DNAJC27: variants seen among roughly 807,000 people sequenced by gnomAD.
The protein encoded by DNAJC27 is DnaJ heat shock protein family (Hsp40) member C27, also known as dnaJ homolog subfamily C member 27.
Under a neutral mutation model 31.4 loss-of-function variants are expected in DNAJC27, and 25 were observed. The ratio of observed to expected loss-of-function variants is 0.80; its 90% confidence interval spans 0.58 to 1.11. The LOEUF is 1.11. Among genes scored for constraint, DNAJC27 ranks in the 50% most tolerant of loss-of-function variants. The pLI is 0.00. For missense variants in DNAJC27, 356 were observed against 347.3 expected (o/e 1.02, Z -0.20); for synonymous variants, 106 against 112.7 (o/e 0.94, Z 0.37).
At chr2:24,959,438 C>T (rs977420458) in intron 3 of DNAJC27, among the ~76,000 whole-genome samples, 1 of 152,234 alleles carries the variant, frequency 6.6e-6, no homozygotes. Context: ...TTCTAATTAG[C>T]ACAACATTCT....
In DNAJC27 at chr2:24,947,461, ATGAAATGGGTACC is replaced by A; in HGVS notation, c.*142_*154del. On this transcript the variant is annotated 3_prime_UTR_variant, in exon 7 of 7. Coordinates refer to ENST00000264711, the MANE Select transcript of DNAJC27 (RefSeq NM_016544.3). Reference sequence around the variant, plus strand: ...CAGGTCATTTCTCAGTAAAATGTCTATGAAATGGGTACCTGAATTACTGATATACAAATGACAA... The same window carrying A: ...CAGGTCATTTCTCAGTAAAATGTCTATGAATTACTGATATACAAATGACAA... The A allele has an allele frequency of 1.1e-6, 1 of 874,968 alleles. No individual in the cohort carries two copies. The highest frequency in any genetic ancestry group is 1.7e-6 in the Non-Finnish European group (1 of 575,186). 54.2% of individuals were successfully genotyped at this position (874,968 alleles called of 1,614,324 possible).
chr2:24,944,364 T>C lies in DNAJC27; in HGVS notation c.*3252A>G, dbSNP rs976503352. The C allele has an allele frequency of 6.6e-6, 1 of 152,356 alleles. No homozygotes were observed. The highest frequency in any genetic ancestry group is 1.5e-5 in the Non-Finnish European group (1 of 68,008). The allele number at this position is 152,356 out of a possible 1,614,324, so 9.4% of individuals were successfully genotyped here. ...TGGGGCACAGCTCCTTTTTTTTTTT[T>C]TTCTTTTTTTTAAAAAACTGATTCA... On this transcript the variant is annotated 3_prime_UTR_variant, in exon 7 of 7. Coordinates refer to ENST00000264711, the MANE Select transcript of DNAJC27 (RefSeq NM_016544.3).
At chr2:24,970,061 TTG>T (rs1666290124) in intron 1 of DNAJC27, among the ~76,000 whole-genome samples, 1 of 152,232 alleles carries the variant, frequency 6.6e-6, no homozygotes, top group African/African-American at 2.4e-5. Context: ...AGTTTGAAAC[TTG>T]TCTTCATATA....
At position 24,957,020 on chromosome 2, in the gene DNAJC27, A is replaced by G. The variant is rs757040323; in HGVS notation, c.528+23T>C. 14 of 1,598,940 alleles carry G rather than the reference A, an allele frequency of 8.8e-6. No individual in the cohort carries two copies. The South Asian group carries it at 1.5e-4, about 17-fold the overall frequency. ...GCACAGTGGCCTTGACACAAACCTT[A>G]AAACAACAAAATGCTAGCTTACCTG... On this transcript the variant is annotated intron_variant, in intron 5 of 6. Coordinates refer to ENST00000264711, the MANE Select transcript of DNAJC27 (RefSeq NM_016544.3).
chr2:24,969,219 C>A, intron 1 of DNAJC27: 2 of 207,832 alleles, frequency 9.6e-6, no homozygotes, highest in East Asian at 1.1e-4. Context: ...ATGTGAGTCT[C>A]TCAAGAACCA....
At chr2:24,971,698 G>T in intron 1 of DNAJC27, 120 bp downstream of exon 1, 2 of 819,368 alleles carry the variant, frequency 2.4e-6, no homozygotes, top group South Asian at 3.6e-5. Context: ...GCTGAGACCC[G>T]GGCCTGCTCG....
intron 3 of DNAJC27, among the ~76,000 whole-genome samples, chr2:24,960,409 A>G (rs1312714194): frequency 6.6e-6 from 1 of 152,234 alleles, no homozygotes. Context: ...AGGCCAATTA[A>G]TAACAATACA....
At position 24,949,244 on chromosome 2, in the gene DNAJC27, G is replaced by C. The variant is rs2149120245; in HGVS notation, c.690-1496C>G. On this transcript the variant is annotated intron_variant, in intron 6 of 6. Transcript: ENST00000264711. ...ACATTCTCCCTCTCTGAAGCAATTT[G>C]AATTGTAAGAATTCTTATTTGTCCC... Among the ~76,000 whole-genome samples, 2 of 152,276 alleles carry C rather than the reference G, an allele frequency of 1.3e-5. 1 individual carries two copies. The highest frequency in any genetic ancestry group is 4.1e-4 in the South Asian group (2 of 4,828).
chr2:24,952,806 A>G (rs573668228), intron 5 of DNAJC27, among the ~76,000 whole-genome samples: 32 of 152,348 alleles, frequency 2.1e-4, no homozygotes, highest in African/African-American at 7.0e-4. Context: ...TCTGATATAT[A>G]TCTAATATAG....
intron 2 of DNAJC27, among the ~76,000 whole-genome samples, chr2:24,964,537 G>C (rs1644948081): frequency 6.6e-6 from 1 of 152,116 alleles, no homozygotes. Flanking sequence ...GTAGTGAAAT[G>C]ACCTATCTAT....
rs191893353 is a variant in DNAJC27 at position 24,949,579 on chromosome 2, C to G, written c.689+1815G>C. ...AACTTAAGAAAAAAATGTTTTAAGGCTTTTTCCCAAATGTACTTAGTGCCA... is the reference window on the plus strand; with the variant it reads ...AACTTAAGAAAAAAATGTTTTAAGGGTTTTTCCCAAATGTACTTAGTGCCA... On this transcript the variant is annotated intron_variant, in intron 6 of 6. Coordinates refer to ENST00000264711, the MANE Select transcript of DNAJC27 (RefSeq NM_016544.3). Among the ~76,000 whole-genome samples the G allele has an allele frequency of 2.3e-3, 357 of 152,314 alleles. 1 individual carries two copies. The highest frequency in any genetic ancestry group is 3.7e-3 in the Non-Finnish European group (255 of 68,024).
intron 6 of DNAJC27, among the ~76,000 whole-genome samples, chr2:24,948,248 T>C (rs924704955): frequency 6.6e-6 from 1 of 152,094 alleles, no homozygotes; most frequent in Admixed American, 6.5e-5. Flanking sequence ...ATGACAAGTG[T>C]GTGCTGGGAA....
intron 6 of DNAJC27, 111 bp downstream of exon 6, chr2:24,951,283 T>C: frequency 9.1e-7 from 1 of 1,104,878 alleles, no homozygotes; most frequent in Non-Finnish European, 1.3e-6. Context: ...TATATTTTCA[T>C]ACATCTTCGT....
chr2:24,972,085 G>A, upstream of DNAJC27: 1 of 498,732 alleles, frequency 2.0e-6, no homozygotes, highest in Non-Finnish European at 3.6e-6. Flanking sequence ...GGGAGCCGGG[G>A]GAGGGAGACG....
rs1159547563 is a variant in DNAJC27, at chr2:24,946,652, C to CT, written c.*963dup. The stretch of plus-strand genomic sequence containing the variant: ...CCTTTCCTCTGCTGATGTGCATAAT[C>CT]TTTAAGTGCGACCTCTAAGTACCTT... On this transcript the variant is annotated 3_prime_UTR_variant, in exon 7 of 7. Transcript: ENST00000264711. The CT allele has an allele frequency of 1.1e-4, 16 of 152,060 alleles. No homozygotes were observed. Among genetic ancestry groups the CT allele is most frequent in the African/African-American group, 3.1e-4 (13 of 41,384 alleles). 9.4% of individuals were successfully genotyped at this position (152,060 alleles called of 1,614,324 possible). A position where few individuals can be genotyped will look rare whatever the true frequency, so the allele number is the denominator to read the frequency against.
intron 2 of DNAJC27, among the ~76,000 whole-genome samples, chr2:24,964,812 T>C (rs1016885464): frequency 4.6e-5 from 7 of 152,208 alleles, no homozygotes; most frequent in African/African-American, 1.2e-4. Flanking sequence ...TAGCTACTTA[T>C]ATGAATTCAG....
At chr2:24,957,788 A>C in intron 4 of DNAJC27, 22 bp downstream of exon 4, 1 of 1,608,628 alleles carries the variant, frequency 6.2e-7, no homozygotes, top group Non-Finnish European at 8.5e-7. Context: ...AAATCTGAAC[A>C]CACCATTTCC....
At chr2:24,966,182 G>T (rs778434814) in intron 2 of DNAJC27, among the ~76,000 whole-genome samples, 6 of 152,184 alleles carry the variant, frequency 3.9e-5, no homozygotes, top group Non-Finnish European at 8.8e-5. Context: ...GTTCCAAGTG[G>T]ACAGGCTGGA....
chr2:24,950,252 T>TA (rs1460184732), intron 6 of DNAJC27, among the ~76,000 whole-genome samples: 1 of 152,174 alleles, frequency 6.6e-6, no homozygotes, highest in East Asian at 1.9e-4. Context: ...GACTTGAAGA[T>TA]ACGCTGTGAG....
Sources: gnomAD v4.1 joint callset for allele counts (sites outside exome capture counted in the v4.1 genomes callset) on GRCh38, gnomAD v4.1.1 for gene constraint, MANE v1.5 for transcripts, NCBI Gene and HGNC (gene_info 2026-07-23, HGNC 2026-07-21) for gene names.